The following TTC7B variants were observed in gnomAD, a reference collection of about 807,000 sequenced individuals.
The protein encoded by TTC7B is tetratricopeptide repeat domain 7B, also known as tetratricopeptide repeat protein 7B.
Under a neutral mutation model 106.8 loss-of-function variants are expected in TTC7B, and 28 were observed. The observed-to-expected ratio is 0.26, with a 90% CI of 0.19 to 0.36. The LOEUF (loss-of-function observed/expected upper bound fraction) is 0.36, where lower values mean the gene tolerates loss of function less well. Ranked by LOEUF, TTC7B falls within the 10% of genes least tolerant of loss-of-function variation. TTC7B has a pLI of 1.00. For missense variants in TTC7B, 862 were observed against 1,076.4 expected, an observed-to-expected ratio of 0.80 and a Z score of 2.79; for synonymous variants, 405 against 430.6, an observed-to-expected ratio of 0.94 and a Z score of 0.74.
intron 2 of TTC7B, 123 bp downstream of exon 2, chr14:90,786,051 A>C (rs1460605774): frequency 8.5e-7 from 1 of 1,181,522 alleles, no homozygotes; most frequent in East Asian, 3.1e-5. Flanking sequence ...GCCCGCTTCT[A>C]AGAAGACAAG....
chr14:90,609,878 C>T (rs762015873), intron 17 of TTC7B, among the ~76,000 whole-genome samples: 2 of 152,140 alleles, frequency 1.3e-5, no homozygotes, highest in African/African-American at 2.4e-5. Flanking sequence ...GCTCTAAAAT[C>T]GAGATGTTTC....
In TTC7B at chr14:90,780,730, G is replaced by A; in HGVS notation, c.445+8C>T. The A allele has an allele frequency of 6.2e-7, 1 of 1,613,568 alleles. No individual in the cohort carries two copies. ...ACGGGACACTGTGTTAGAAGGCACG[G>A]GCCTCACCTTTGGTAGCGTAGGCTT... is the stretch of plus-strand genomic sequence containing the variant. On this transcript the variant is annotated splice_region_variant and intron_variant, in intron 3 of 19. Coordinates refer to ENST00000328459, the MANE Select transcript of TTC7B (RefSeq NM_001010854.2).
At chr14:90,768,211 C>T (rs10132215) in intron 3 of TTC7B, among the ~76,000 whole-genome samples, 42,086 of 152,112 alleles carry the variant, frequency 0.28, 9,647 homozygotes, top group African/African-American at 0.64. Flanking sequence ...CATTTTCACA[C>T]TGCTATAAAG....
chr14:90,801,475 G>A (rs2030265941), intron 1 of TTC7B, among the ~76,000 whole-genome samples: 1 of 152,146 alleles, frequency 6.6e-6, no homozygotes, highest in Non-Finnish European at 1.5e-5. Flanking sequence ...CACACAGGAT[G>A]AGGAAAGGAG....
At chr14:90,645,008 A>T (rs941601878) in intron 14 of TTC7B, 2 of 152,148 alleles carry the variant, frequency 1.3e-5, no homozygotes, top group Non-Finnish European at 2.9e-5. Flanking sequence ...GGTATGTGAC[A>T]CCCTGGATTC....
At chr14:90,712,737 T>C (rs1888497236) in intron 5 of TTC7B, among the ~76,000 whole-genome samples, 1 of 152,110 alleles carries the variant, frequency 6.6e-6, no homozygotes, top group African/African-American at 2.4e-5. Flanking sequence ...TGGCAGGCTT[T>C]TTTTTTTCTT....
At chr14:90,669,424 C>T (rs1044622003) in intron 9 of TTC7B, among the ~76,000 whole-genome samples, 100 of 151,888 alleles carry the variant, frequency 6.6e-4, no homozygotes, top group African/African-American at 2.3e-3. Context: ...TGAAGCTGGG[C>T]ATGGTAGCTC....
At position 90,573,319 on chromosome 14, in the gene TTC7B, G is replaced by A. The variant is rs79664283; in HGVS notation, c.2310+4787C>T. Among the ~76,000 whole-genome samples the A allele has an allele frequency of 4.7e-3, 717 of 152,148 alleles. 5 individuals are homozygous for A. Among genetic ancestry groups the A allele is most frequent in the Non-Finnish European group, 7.4e-3 (505 of 68,008 alleles). ...GGGGGCTCCATCTCACTGCTGTCCC[G>A]ATGCTCTTTCCATGGTTCTCAGTGC... On this transcript the variant is annotated intron_variant, in intron 19 of 19. Coordinates refer to ENST00000328459, the MANE Select transcript of TTC7B (RefSeq NM_001010854.2).
intron 3 of TTC7B, among the ~76,000 whole-genome samples, chr14:90,768,193 T>C (rs1299773547): frequency 6.6e-6 from 1 of 152,190 alleles, no homozygotes; most frequent in Admixed American, 6.5e-5. Flanking sequence ...TTAACCAATG[T>C]ATTAGTCCAT....
chr14:90,542,243 G>A (rs752561683), intron 19 of TTC7B, among the ~76,000 whole-genome samples: 30 of 152,100 alleles, frequency 2.0e-4, no homozygotes, highest in Middle Eastern at 3.4e-3. Flanking sequence ...CTGGCCTGTC[G>A]TCTTTTTTTT....
rs186456808 is a variant in TTC7B, at chr14:90,671,726, A to G, written c.1152+4797T>C. ...TTGTGCTTCTATTTAAACCTGTCAG[A>G]ATGAGGATGTGATAAACCTTTGGTC... On this transcript the variant is annotated intron_variant, in intron 9 of 19. Transcript: ENST00000328459. 1.2e-4 allele frequency among the ~76,000 whole-genome samples: 19 copies of G among 152,348 alleles called. No homozygotes were observed. In the East Asian group the frequency reaches 3.3e-3, roughly 26 times the overall value.
intron 19 of TTC7B, among the ~76,000 whole-genome samples, chr14:90,548,101 C>T (rs1889912748): frequency 6.6e-6 from 1 of 152,222 alleles, no homozygotes; most frequent in Non-Finnish European, 1.5e-5. Context: ...GCTCTCTACG[C>T]CAGGGCATGG....
At chr14:90,724,243 T>C (rs958942898) in intron 5 of TTC7B, among the ~76,000 whole-genome samples, 1 of 152,164 alleles carries the variant, frequency 6.6e-6, no homozygotes, top group African/African-American at 2.4e-5. Flanking sequence ...CATACAACTA[T>C]CCTGAAATGG....
At chr14:90,774,869 G>A (rs1890976444) in intron 3 of TTC7B, among the ~76,000 whole-genome samples, 1 of 152,118 alleles carries the variant, frequency 6.6e-6, no homozygotes, top group Non-Finnish European at 1.5e-5. Context: ...GTGAAACCCT[G>A]TCTCTACTAA....
chr14:90,677,820 T>A (rs1473793996), intron 8 of TTC7B: 1 of 455,640 alleles, frequency 2.2e-6, no homozygotes, highest in African/African-American at 2.0e-5. Context: ...CAGTACTTAC[T>A]CACTTTAAAA....
intron 3 of TTC7B, among the ~76,000 whole-genome samples, chr14:90,745,299 A>C (rs1257404267): frequency 3.9e-4 from 11 of 28,498 alleles, no homozygotes; most frequent in East Asian, 1.1e-3. Context: ...CTGTCTCCCA[A>C]AAAAAAAAAA....
At chr14:90,746,236 T>C (rs185716824) in intron 3 of TTC7B, among the ~76,000 whole-genome samples, 115 of 152,360 alleles carry the variant, frequency 7.5e-4, no homozygotes, top group African/African-American at 2.7e-3. Context: ...GAGCAGCTTT[T>C]CAATTACAAA....
At chr14:90,566,428 C>T (rs969235531) in intron 19 of TTC7B, among the ~76,000 whole-genome samples, 40 of 151,934 alleles carry the variant, frequency 2.6e-4, no homozygotes, top group Non-Finnish European at 1.8e-4. Context: ...TGAGTATCTG[C>T]AAAGTGCAAT....
At chr14:90,777,340 G>C (rs148133895) in intron 3 of TTC7B, among the ~76,000 whole-genome samples, 1 of 152,120 alleles carries the variant, frequency 6.6e-6, no homozygotes, top group Non-Finnish European at 1.5e-5. Context: ...CCACTGCTAC[G>C]CTTCTGCATA....
Sources: gnomAD v4.1 joint callset for allele counts (sites outside exome capture counted in the v4.1 genomes callset) on GRCh38, gnomAD v4.1.1 for gene constraint, MANE v1.5 for transcripts, NCBI Gene and HGNC (gene_info 2026-07-23, HGNC 2026-07-21) for gene names.